Variants in DDHD1 observed in about 807,000 individuals in gnomAD.
The protein encoded by DDHD1 is phospholipase DDHD1.
In DDHD1, 49 loss-of-function variants were observed where a neutral mutation model predicts 96.4. The ratio of observed to expected loss-of-function variants is 0.51; its 90% CI spans 0.40 to 0.64. The LOEUF is 0.64. Ranked by LOEUF, DDHD1 falls within the 30% of genes least tolerant of loss-of-function variation. The pLI, the probability that DDHD1 is intolerant of heterozygous loss-of-function variation, is 0.00. For missense variants in DDHD1, 1,106 were observed against 1,161.2 expected (o/e 0.95, Z 0.69); for synonymous variants, 442 against 446.5 (o/e 0.99, Z 0.13).
chr14:53,108,347 G>A (rs1390391581), intron 1 of DDHD1, among the ~76,000 whole-genome samples: 1 of 152,132 alleles, frequency 6.6e-6, no homozygotes, highest in Non-Finnish European at 1.5e-5. Flanking sequence ...CGTGACCCAC[G>A]GCTTCTAATA....
At chr14:53,143,121 G>A (rs551155786) in intron 1 of DDHD1, among the ~76,000 whole-genome samples, 2 of 152,308 alleles carry the variant, frequency 1.3e-5, no homozygotes, top group African/African-American at 4.8e-5. Flanking sequence ...TATAGAAGAA[G>A]AAACTAAGAC....
chr14:53,061,655 A>C (rs1883567353), intron 7 of DDHD1, among the ~76,000 whole-genome samples: 1 of 152,196 alleles, frequency 6.6e-6, no homozygotes, highest in African/African-American at 2.4e-5. Flanking sequence ...CTGTTGATGA[A>C]CATCATTTTC....
intron 11 of DDHD1, chr14:53,053,581 A>G (rs1444869852): frequency 6.6e-6 from 1 of 152,200 alleles, no homozygotes; most frequent in East Asian, 1.9e-4. Flanking sequence ...AATTTAGAGT[A>G]GCAGACACAG....
rs1277815139 is a variant in DDHD1 at position 53,044,893 on chromosome 14, C to T, written c.*1875G>A. 1 of 152,176 alleles carries T rather than the reference C, an allele frequency of 6.6e-6. No homozygotes were observed. Among genetic ancestry groups the T allele is most frequent in the African/African-American group, 2.4e-5 (1 of 41,434 alleles). 9.4% of individuals were successfully genotyped at this position (152,176 alleles called of 1,614,324 possible). A position where few individuals can be genotyped will look rare whatever the true frequency, so the allele number is the denominator to read the frequency against. Reference sequence around the variant, plus strand: ...TGAGAGATACAGCTGACCAACTTTGCTCCCAGTTTGACAATGATTATTGGG... The same window carrying T: ...TGAGAGATACAGCTGACCAACTTTGTTCCCAGTTTGACAATGATTATTGGG... On this transcript the variant is annotated 3_prime_UTR_variant, in exon 13 of 13. Transcript: ENST00000673822.
At chr14:53,134,581 C>T (rs963748175) in intron 1 of DDHD1, among the ~76,000 whole-genome samples, 4 of 146,838 alleles carry the variant, frequency 2.7e-5, no homozygotes, top group Non-Finnish European at 6.0e-5. Flanking sequence ...ACCGAGGCCT[C>T]GACCTTACTC....
At chr14:53,121,893 G>C (rs1037172822) in intron 1 of DDHD1, among the ~76,000 whole-genome samples, 1 of 147,028 alleles carries the variant, frequency 6.8e-6, no homozygotes, top group African/African-American at 2.5e-5. Context: ...TAACAAACCT[G>C]CACGTTCTGC....
chr14:53,125,027 T>C (rs766771419), intron 1 of DDHD1, among the ~76,000 whole-genome samples: 28 of 152,110 alleles, frequency 1.8e-4, no homozygotes, highest in Admixed American at 3.9e-4. Context: ...TTCCCTCCTC[T>C]TGTGAAGACA....
At chr14:53,121,787 A>G (rs1157267088) in intron 1 of DDHD1, among the ~76,000 whole-genome samples, 1 of 152,146 alleles carries the variant, frequency 6.6e-6, no homozygotes, top group Non-Finnish European at 1.5e-5. Context: ...CAAGGGAGGG[A>G]GACCATCAGG....
At chr14:53,131,122 G>C (rs1239672559) in intron 1 of DDHD1, among the ~76,000 whole-genome samples, 1 of 151,984 alleles carries the variant, frequency 6.6e-6, no homozygotes, top group African/African-American at 2.4e-5. Flanking sequence ...TCCTTTTTTA[G>C]TTACCCTCAC....
At chr14:53,102,353 G>A (rs1451575714) in intron 2 of DDHD1, among the ~76,000 whole-genome samples, 1 of 151,878 alleles carries the variant, frequency 6.6e-6, no homozygotes, top group African/African-American at 2.4e-5. Flanking sequence ...CTCTTACACT[G>A]GGCTGCTCCT....
At position 53,143,822 on chromosome 14, in the gene DDHD1, A is replaced by G. The variant is rs184054817; in HGVS notation, c.838+8439T>C. Among the ~76,000 whole-genome samples, 560 of 152,380 alleles carry G rather than the reference A, an allele frequency of 3.7e-3. 3 individuals are homozygous for G. The highest frequency in any genetic ancestry group is 6.1e-3 in the Non-Finnish European group (417 of 68,036). ...TTATTATGGCTAGCAGATATTTAAG[A>G]AAGTTAGCACAGGTCTTTGAATAAA... On this transcript the variant is annotated intron_variant, in intron 1 of 12. Coordinates refer to ENST00000673822, the MANE Select transcript of DDHD1 (RefSeq NM_001160148.2).
chr14:53,068,669 G>A (rs1460997865), intron 6 of DDHD1, among the ~76,000 whole-genome samples: 1 of 152,182 alleles, frequency 6.6e-6, no homozygotes. Flanking sequence ...GTGTTCTCCT[G>A]TGTGTGTCAC....
At position 53,069,365 on chromosome 14, in the gene DDHD1, T is replaced by C. The variant is rs530550419; in HGVS notation, c.1503+3232A>G. On this transcript the variant is annotated intron_variant, in intron 6 of 12. Transcript: ENST00000673822. ...GCATACCCTGTTTTATGGCACTTTGTAGACACTGCATTTACAAATTGAAGG... is the reference window on the plus strand; with the variant it reads ...GCATACCCTGTTTTATGGCACTTTGCAGACACTGCATTTACAAATTGAAGG... 3.9e-5 allele frequency among the ~76,000 whole-genome samples: 6 copies of C among 152,354 alleles called. No individual in the cohort carries two copies. In the East Asian group the frequency reaches 7.7e-4, roughly 20 times the overall value.
At chr14:53,070,396 G>A (rs895672114) in intron 6 of DDHD1, among the ~76,000 whole-genome samples, 1 of 152,032 alleles carries the variant, frequency 6.6e-6, no homozygotes, top group African/African-American at 2.4e-5. Flanking sequence ...TTCTCTTCCT[G>A]TATCATCCAT....
In DDHD1 at chr14:53,046,707, C is replaced by T. The variant is rs766054685; in HGVS notation, c.*61G>A. The T allele has an allele frequency of 7.7e-6, 9 of 1,162,692 alleles. No individual in the cohort carries two copies. Among genetic ancestry groups the T allele is most frequent in the Middle Eastern group, 2.1e-4 (1 of 4,816 alleles). 72.0% of individuals were successfully genotyped at this position (1,162,692 alleles called of 1,614,324 possible). A position where few individuals can be genotyped will look rare whatever the true frequency, so the allele number is the denominator to read the frequency against. On this transcript the variant is annotated 3_prime_UTR_variant, in exon 13 of 13. Coordinates refer to ENST00000673822, the MANE Select transcript of DDHD1 (RefSeq NM_001160148.2). ...ACCCTGAAATCTCCGTATCTTGACA[C>T]ACACATTTTAACGGAAAAAAAAAAA... is the stretch of plus-strand genomic sequence containing the variant.
chr14:53,048,956 C>A (rs1882288069), intron 12 of DDHD1: 1 of 152,126 alleles, frequency 6.6e-6, no homozygotes, highest in African/African-American at 2.4e-5. Context: ...CTTTCAAATG[C>A]CACTTCATAA....
rs1417832838 is a variant in DDHD1 at position 53,046,347 on chromosome 14, T to C, written c.*421A>G. On this transcript the variant is annotated 3_prime_UTR_variant, in exon 13 of 13. Transcript: ENST00000673822. Reference sequence around the variant, plus strand: ...GTACAAATGAAAGCCTTCATAGAAATCTAAAACGATACCACCTTGTGATCT... The same window carrying C: ...GTACAAATGAAAGCCTTCATAGAAACCTAAAACGATACCACCTTGTGATCT... 6.6e-6 allele frequency: 1 copy of C among 152,606 alleles called. No homozygotes were observed. The highest frequency in any genetic ancestry group is 1.5e-5 in the Non-Finnish European group (1 of 68,326). The allele number at this position is 152,606 out of a possible 1,614,324, so 9.5% of individuals were successfully genotyped here.
chr14:53,090,572 T>C (rs1252006111), intron 4 of DDHD1, among the ~76,000 whole-genome samples: 1 of 152,206 alleles, frequency 6.6e-6, no homozygotes, highest in Non-Finnish European at 1.5e-5. Flanking sequence ...ATGTCCTTTG[T>C]ATGGACATGG....
chr14:53,112,025 G>A (rs1409560524), intron 1 of DDHD1, among the ~76,000 whole-genome samples: 1 of 152,120 alleles, frequency 6.6e-6, no homozygotes, highest in Admixed American at 6.5e-5. Flanking sequence ...TGCTTATATT[G>A]AAAGGATTTT....
Sources: allele counts gnomAD v4.1 joint callset (sites outside exome capture counted in the v4.1 genomes callset), GRCh38; gene constraint gnomAD v4.1.1; transcripts MANE v1.5; gene names NCBI Gene and HGNC (gene_info 2026-07-23, HGNC 2026-07-21).